Variants in PRKAG2 observed in about 807,000 individuals in gnomAD.
PRKAG2 encodes protein kinase AMP-activated non-catalytic subunit gamma 2.
In PRKAG2, 26 loss-of-function variants were observed where a neutral mutation model predicts 69.6. The ratio of observed to expected loss-of-function variants is 0.37; its 90% CI spans 0.27 to 0.52. PRKAG2 has a LOEUF of 0.52. Among genes scored for constraint, PRKAG2 ranks in the 20% least tolerant of loss-of-function variants. PRKAG2 has a pLI of 0.90. For synonymous variants in PRKAG2, 293 were observed against 285.0 expected, an observed-to-expected ratio of 1.03 and a Z score of -0.28; for missense variants, 557 against 740.0, an observed-to-expected ratio of 0.75 and a Z score of 2.87.
chr7:151,846,721 CT>C (rs1240182864), intron 1 of PRKAG2, among the ~76,000 whole-genome samples: 8 of 152,050 alleles, frequency 5.3e-5, no homozygotes, highest in Non-Finnish European at 1.2e-4. Flanking sequence ...GAGTATTCTT[CT>C]GGTTATCTTT....
chr7:151,867,492 G>A (rs1026928115), intron 1 of PRKAG2, among the ~76,000 whole-genome samples: 5 of 152,120 alleles, frequency 3.3e-5, no homozygotes, highest in African/African-American at 7.2e-5. Context: ...TCTTGCCTGT[G>A]CCTCTGGATG....
chr7:151,692,318 G>C (rs1438156966), intron 3 of PRKAG2, among the ~76,000 whole-genome samples: 1 of 152,092 alleles, frequency 6.6e-6, no homozygotes, highest in Non-Finnish European at 1.5e-5. Context: ...AATCTCAAAT[G>C]CATTTTTCTA....
At chr7:151,640,467 C>T (rs935408675) in intron 4 of PRKAG2, among the ~76,000 whole-genome samples, 6 of 152,178 alleles carry the variant, frequency 3.9e-5, no homozygotes, top group African/African-American at 1.4e-4. Context: ...GTGTACCCCA[C>T]ACCTAAACCT....
At position 151,632,014 on chromosome 7, in the gene PRKAG2, C is replaced by T; in HGVS notation, c.754+55G>A. 1 of 1,229,320 alleles carries T rather than the reference C, an allele frequency of 8.1e-7. No individual in the cohort carries two copies. Among genetic ancestry groups the T allele is most frequent in the Non-Finnish European group, 1.0e-6 (1 of 978,320 alleles). The allele number at this position is 1,229,320 out of a possible 1,614,324, so 76.2% of individuals were successfully genotyped here. ...CGCGGGGTCCCCGCGGGTCCCGGTC[C>T]TCGGGCGGCCGGGCCGTGGGAGCGC... is the stretch of plus-strand genomic sequence containing the variant. On this transcript the variant is annotated intron_variant, in intron 5 of 15. Coordinates refer to ENST00000287878, the MANE Select transcript of PRKAG2 (RefSeq NM_016203.4). The surrounding 1 kb of genome is among the most constrained non-coding windows in gnomAD (Gnocchi z 4.2).
At position 151,576,776 on chromosome 7, in the gene PRKAG2, C is replaced by T. The variant is rs186693379; in HGVS notation, c.865-324G>A. On this transcript the variant is annotated intron_variant, in intron 6 of 15. Coordinates refer to ENST00000287878, the MANE Select transcript of PRKAG2 (RefSeq NM_016203.4). ...TCGGCCTCCCAAAGTGTTGGGATTA[C>T]AGGCGTGAGCCACCGCACCTGGCCA... 6.8e-4 allele frequency among the ~76,000 whole-genome samples: 104 copies of T among 152,332 alleles called. 1 individual carries two copies. The highest frequency in any genetic ancestry group is 2.3e-3 in the African/African-American group (97 of 41,574).
At chr7:151,559,467 GC>G (rs1178650546) in intron 15 of PRKAG2, 1 of 984,868 alleles carries the variant, frequency 1.0e-6, no homozygotes, top group African/African-American at 1.7e-5. Flanking sequence ...ATGGGACGGG[GC>G]CCCAACATGA....
intron 1 of PRKAG2, among the ~76,000 whole-genome samples, chr7:151,831,786 A>G (rs7783677): frequency 0.1 from 15,379 of 151,994 alleles, 1,069 homozygotes; most frequent in East Asian, 0.28. Context: ...CCCAGGCAGG[A>G]GCTGTGTCCC....
chr7:151,815,387 C>T (rs1367531970), intron 1 of PRKAG2, among the ~76,000 whole-genome samples: 1 of 152,114 alleles, frequency 6.6e-6, no homozygotes, highest in Non-Finnish European at 1.5e-5. Context: ...TTTTCCTATG[C>T]AAGCCAACCC....
chr7:151,732,818 G>GAGC (rs1586152372), intron 3 of PRKAG2, among the ~76,000 whole-genome samples: 1 of 151,964 alleles, frequency 6.6e-6, no homozygotes, highest in African/African-American at 2.4e-5. Context: ...TCAGCCTCCC[G>GAGC]AGCAGCTGGG....
intron 3 of PRKAG2, among the ~76,000 whole-genome samples, chr7:151,694,860 G>A (rs1836327226): frequency 6.6e-6 from 1 of 152,196 alleles, no homozygotes; most frequent in Non-Finnish European, 1.5e-5. Flanking sequence ...GCCAGAGCAA[G>A]GAGTAAGGAC....
At position 151,587,295 on chromosome 7, in the gene PRKAG2, T is replaced by C. The variant is rs76274013; in HGVS notation, c.864+8050A>G. Among the ~76,000 whole-genome samples the C allele has an allele frequency of 9.3e-3, 1,412 of 152,262 alleles. 33 individuals carry two copies. Among genetic ancestry groups the C allele is most frequent in the African/African-American group, 0.032 (1,350 of 41,540 alleles). ...CCAAAAATAAATATCCATAAATCCA[T>C]ACTGAAATAGATGACTGAATAAACA... On this transcript the variant is annotated intron_variant, in intron 6 of 15. Coordinates refer to ENST00000287878, the MANE Select transcript of PRKAG2 (RefSeq NM_016203.4).
At position 151,877,004 on chromosome 7, in the gene PRKAG2, G is replaced by A. The variant is rs1477185890; in HGVS notation, c.-384C>T. On this transcript the variant is annotated 5_prime_UTR_variant, in exon 1 of 16. Transcript: ENST00000287878. ...TTCCCAGAGGTAATCTGAAAGGCAG[G>A]TGCAATTAAAACCAGCAATTTGGAA... 1.2e-5 allele frequency: 4 copies of A among 336,146 alleles called. No individual in the cohort carries two copies. Among genetic ancestry groups the A allele is most frequent in the East Asian group, 7.5e-5 (1 of 13,300 alleles). The allele number at this position is 336,146 out of a possible 1,614,324, so 20.8% of individuals were successfully genotyped here.
chr7:151,622,298 C>T (rs1251101002), intron 5 of PRKAG2, among the ~76,000 whole-genome samples: 2 of 152,224 alleles, frequency 1.3e-5, no homozygotes, highest in Non-Finnish European at 2.9e-5. Flanking sequence ...ACACATACGT[C>T]CATAAATGTG....
chr7:151,729,909 A>G (rs574724737), intron 3 of PRKAG2, among the ~76,000 whole-genome samples: 13 of 152,320 alleles, frequency 8.5e-5, no homozygotes, highest in African/African-American at 3.1e-4. Context: ...TACGTTTGCC[A>G]TCGAAACAAG....
At chr7:151,766,352 T>C (rs73485923) in intron 3 of PRKAG2, among the ~76,000 whole-genome samples, 9,800 of 152,274 alleles carry the variant, frequency 0.064, 917 homozygotes, top group African/African-American at 0.21. Flanking sequence ...GGAAGAGTCT[T>C]GTCAAAAGGA....
At position 151,706,750 on chromosome 7, in the gene PRKAG2, C is replaced by T. The variant is rs1838691212; in HGVS notation, c.467-31113G>A. Among the ~76,000 whole-genome samples the T allele has an allele frequency of 2.6e-5, 4 of 152,370 alleles. No homozygotes were observed. The South Asian group carries it at 8.3e-4, about 32-fold the overall frequency. ...TTAGCTGTGGCAGTAACAGCAGCTT[C>T]AGCAAACGCTCAACACAGCCTGAGT... is the stretch of plus-strand genomic sequence containing the variant. On this transcript the variant is annotated intron_variant, in intron 3 of 15. Transcript: ENST00000287878.
In PRKAG2 at chr7:151,836,415, C is replaced by T. The variant is rs1345765821; in HGVS notation, c.114+40092G>A. On this transcript the variant is annotated intron_variant, in intron 1 of 15. Transcript: ENST00000287878. The surrounding 1 kb of genome is among the most constrained non-coding windows in gnomAD (Gnocchi z 4.1). The stretch of plus-strand genomic sequence containing the variant: ...TGGTCCAGGCAGCTTCCCTGATCAC[C>T]GCAGTGACGCTCCTGCTCAAGCTGG... 3.3e-5 allele frequency among the ~76,000 whole-genome samples: 5 copies of T among 152,166 alleles called. No individual in the cohort carries two copies. Among genetic ancestry groups the T allele is most frequent in the East Asian group, 1.9e-4 (1 of 5,190 alleles).
At chr7:151,796,852 G>A (rs557358448) in intron 1 of PRKAG2, among the ~76,000 whole-genome samples, 5 of 152,172 alleles carry the variant, frequency 3.3e-5, no homozygotes, top group Admixed American at 6.5e-5. Flanking sequence ...GCCCCTGTAC[G>A]GAGGGAACAG....
intron 3 of PRKAG2, among the ~76,000 whole-genome samples, chr7:151,760,908 G>A (rs1179295585): frequency 6.6e-6 from 1 of 152,200 alleles, no homozygotes; most frequent in Non-Finnish European, 1.5e-5. Context: ...AGATGTGTCA[G>A]GATAAAGTTA....
Sources: gnomAD v4.1 joint callset for allele counts (sites outside exome capture counted in the v4.1 genomes callset) on GRCh38, gnomAD v4.1.1 for gene constraint, Gnocchi (gnomAD v3.1) non-coding constraint, MANE v1.5 for transcripts, NCBI Gene and HGNC (gene_info 2026-07-23, HGNC 2026-07-21) for gene names.